The following CACNA1C variants were observed in gnomAD, a reference collection of about 807,000 sequenced individuals.
CACNA1C encodes the protein calcium voltage-gated channel subunit alpha1 C, also known as voltage-dependent L-type calcium channel subunit alpha-1C.
A neutral mutation model predicts 229.0 loss-of-function variants in CACNA1C; 30 were observed. The observed-to-expected ratio is 0.13, with a 90% CI of 0.10 to 0.18. CACNA1C has a LOEUF of 0.18. Among genes scored for constraint, CACNA1C ranks in the 10% least tolerant of loss-of-function variants. The pLI, the probability that CACNA1C is intolerant of heterozygous loss-of-function variation, is 1.00. For synonymous variants in CACNA1C, 1,114 were observed against 1,132.5 expected (o/e 0.98, Z 0.33); for missense variants, 1,658 against 2,845.0 (o/e 0.58, Z 9.49).
intron 11 of CACNA1C, among the ~76,000 whole-genome samples, chr12:2,564,435 C>T (rs911392073): frequency 1.3e-5 from 2 of 152,158 alleles, no homozygotes; most frequent in Non-Finnish European, 2.9e-5. Flanking sequence ...TACAGATATT[C>T]ATGGACTTTA....
intron 3 of CACNA1C, among the ~76,000 whole-genome samples, chr12:2,178,671 A>G (rs1477924672): frequency 6.6e-6 from 1 of 152,016 alleles, no homozygotes; most frequent in African/African-American, 2.4e-5. Flanking sequence ...CCGGGTTCCC[A>G]CTCGGGAGCC....
upstream of CACNA1C, among the ~76,000 whole-genome samples, chr12:2,049,802 C>T (rs1565372890): frequency 6.6e-6 from 1 of 152,190 alleles, no homozygotes; most frequent in Non-Finnish European, 1.5e-5. Flanking sequence ...ATCCCCAAAT[C>T]GGAATTCACA....
intron 28 of CACNA1C, among the ~76,000 whole-genome samples, chr12:2,610,972 A>C (rs1459714471): frequency 2.0e-5 from 3 of 147,718 alleles, no homozygotes; most frequent in Admixed American, 6.7e-5. Context: ...TGATCAATGG[A>C]GAGAGGGGAG....
intron 3 of CACNA1C, among the ~76,000 whole-genome samples, chr12:2,347,948 C>T (rs960490665): frequency 2.6e-5 from 4 of 152,220 alleles, no homozygotes; most frequent in East Asian, 1.9e-4. Context: ...GGGCCAGGAG[C>T]GGGAGGATTA....
intron 15 of CACNA1C, 53 bp from the exon 16 acceptor site, chr12:2,584,450 C>T (rs892780550): frequency 7.4e-7 from 1 of 1,345,148 alleles, no homozygotes; most frequent in Non-Finnish European, 1.1e-6. Context: ...TGCCCCTGTG[C>T]CCACCAAAAC....
intron 30 of CACNA1C, among the ~76,000 whole-genome samples, chr12:2,642,200 T>C (rs568662319): frequency 2.0e-5 from 3 of 152,358 alleles, no homozygotes; most frequent in Admixed American, 6.5e-5. Context: ...GATGCGGCTC[T>C]GACCCATCCA....
In CACNA1C at chr12:2,421,295, A is replaced by G. The variant is rs537547244; in HGVS notation, c.478-27681A>G. Among the ~76,000 whole-genome samples the G allele has an allele frequency of 3.3e-5, 5 of 152,356 alleles. No individual in the cohort carries two copies. In the South Asian group the frequency reaches 1.0e-3, roughly 32 times the overall value. On this transcript the variant is annotated intron_variant, in intron 3 of 46. Coordinates refer to ENST00000399655, the MANE Select transcript of CACNA1C (RefSeq NM_000719.7). ...ATAACTTCTGAAACTTGTTTCATAG[A>G]ACACGTAAGGGCAAAGGAAAAGCAA...
chr12:2,618,426 C>A (rs1258100484), intron 29 of CACNA1C, among the ~76,000 whole-genome samples: 3 of 152,230 alleles, frequency 2.0e-5, no homozygotes, highest in Non-Finnish European at 4.4e-5. Flanking sequence ...CAGAAACAGC[C>A]ACAGGAGAAG....
At chr12:2,089,883 G>T (rs1369928005) in intron 1 of CACNA1C, among the ~76,000 whole-genome samples, 2 of 151,616 alleles carry the variant, frequency 1.3e-5, no homozygotes, top group East Asian at 3.9e-4. Flanking sequence ...CAAAAAATTA[G>T]CCGGGCGTGG....
intron 3 of CACNA1C, among the ~76,000 whole-genome samples, chr12:2,248,190 A>G (rs2074152431): frequency 6.6e-6 from 1 of 152,182 alleles, no homozygotes; most frequent in Admixed American, 6.5e-5. Context: ...CTGTGTTTAC[A>G]CTGTACATTC....
At chr12:2,312,242 C>T (rs2095475994) in intron 3 of CACNA1C, among the ~76,000 whole-genome samples, 1 of 152,174 alleles carries the variant, frequency 6.6e-6, no homozygotes, top group Admixed American at 6.5e-5. Flanking sequence ...TTGGCTGTAA[C>T]TATGAAAAGA....
At chr12:2,303,767 G>A (rs1391886756) in intron 3 of CACNA1C, among the ~76,000 whole-genome samples, 1 of 152,202 alleles carries the variant, frequency 6.6e-6, no homozygotes, top group Admixed American at 6.5e-5. Flanking sequence ...AAGGCTGTGC[G>A]GAGTGGGCGC....
intron 3 of CACNA1C, among the ~76,000 whole-genome samples, chr12:2,184,424 A>C (rs1342579986): frequency 6.6e-6 from 1 of 152,144 alleles, no homozygotes; most frequent in Non-Finnish European, 1.5e-5. Context: ...TGGTTCCCTG[A>C]TAATTTGAGA....
chr12:2,406,628 T>C (rs2098740362), intron 3 of CACNA1C, among the ~76,000 whole-genome samples: 1 of 152,252 alleles, frequency 6.6e-6, no homozygotes, highest in Non-Finnish European at 1.5e-5. Flanking sequence ...TTCCATTTTT[T>C]TACTGAGGCT....
At chr12:1,993,627 G>GGGGTGTGTGT (rs1555213620) in intron 1 of CACNA1C, among the ~76,000 whole-genome samples, 41 of 146,674 alleles carry the variant, frequency 2.8e-4, no homozygotes, top group African/African-American at 3.0e-4. Context: ...CTTCATTTGT[G>GGGGTGTGTGT]GTGTGTGTGT....
chr12:2,609,562 GA>G (rs2153445670), intron 27 of CACNA1C, among the ~76,000 whole-genome samples: 1 of 149,456 alleles, frequency 6.7e-6, no homozygotes, highest in Admixed American at 6.7e-5. Flanking sequence ...GAGAGGATTA[GA>G]CCCCGATCTA....
At chr12:2,535,419 C>T (rs2099851093) in intron 9 of CACNA1C, among the ~76,000 whole-genome samples, 1 of 151,058 alleles carries the variant, frequency 6.6e-6, no homozygotes, top group South Asian at 2.1e-4. Flanking sequence ...CAGCCAGAGG[C>T]CCGGCATGGT....
intron 3 of CACNA1C, among the ~76,000 whole-genome samples, chr12:2,269,479 CAT>C (rs1057113558): frequency 3.3e-5 from 5 of 152,272 alleles, no homozygotes; most frequent in Admixed American, 3.3e-4. Flanking sequence ...CTCTAGATAA[CAT>C]AGATGTACAG....
chr12:2,203,285 T>C (rs2097652989), intron 3 of CACNA1C, among the ~76,000 whole-genome samples: 1 of 152,214 alleles, frequency 6.6e-6, no homozygotes, highest in Non-Finnish European at 1.5e-5. Flanking sequence ...GGAACAGTTA[T>C]GGACATTGGA....
Sources: allele counts gnomAD v4.1 joint callset (sites outside exome capture counted in the v4.1 genomes callset), GRCh38; gene constraint gnomAD v4.1.1; transcripts MANE v1.5; gene names NCBI Gene and HGNC (gene_info 2026-07-23, HGNC 2026-07-21).